Variants in HTR1F observed in about 807,000 individuals in gnomAD.
HTR1F encodes 5-hydroxytryptamine receptor 1F.
HTR1F carries 17 observed loss-of-function variants against 24.0 expected under a neutral mutation model. That is an observed-to-expected ratio of 0.71 (90% CI 0.48 to 1.06). HTR1F has a LOEUF of 1.06. HTR1F is among the 50% of genes least tolerant of loss of function. The probability of loss-of-function intolerance (pLI) is 0.00; values close to 1 mark genes in which losing one functional copy is unlikely to be tolerated. For synonymous variants in HTR1F, 186 were observed against 156.8 expected (o/e 1.19, Z -1.39); for missense variants, 391 against 427.8 (o/e 0.91, Z 0.76).
intron 2 of HTR1F, among the ~76,000 whole-genome samples, chr3:87,981,193 TTTTG>T (rs1483447308): frequency 1.3e-5 from 2 of 152,152 alleles, no homozygotes; most frequent in South Asian, 2.1e-4. Context: ...TTTTGGGTTT[TTTTG>T]TTTGTTTGTT....
At chr3:87,825,026 A>G (rs1339747322) in intron 2 of HTR1F, among the ~76,000 whole-genome samples, 1 of 152,232 alleles carries the variant, frequency 6.6e-6, no homozygotes, top group Non-Finnish European at 1.5e-5. Context: ...GATTATAAGA[A>G]GTATTATTAT....
intron 2 of HTR1F, among the ~76,000 whole-genome samples, chr3:87,963,895 C>T (rs1705113123): frequency 6.6e-6 from 1 of 152,068 alleles, no homozygotes; most frequent in South Asian, 2.1e-4. Context: ...TCTTCAGAGC[C>T]CCAGAGCACC....
intron 1 of HTR1F, among the ~76,000 whole-genome samples, chr3:87,813,133 C>A (rs1208604529): frequency 6.6e-6 from 1 of 152,174 alleles, no homozygotes; most frequent in African/African-American, 2.4e-5. Context: ...CTGCAGACCC[C>A]AAAATGGTAG....
chr3:87,982,246 G>A (rs751060180), intron 2 of HTR1F, among the ~76,000 whole-genome samples: 1 of 151,930 alleles, frequency 6.6e-6, no homozygotes, highest in East Asian at 1.9e-4. Flanking sequence ...TTTAAATATC[G>A]AGATATTTTT....
At chr3:87,952,503 T>C (rs1223848960) in intron 2 of HTR1F, among the ~76,000 whole-genome samples, 6 of 151,942 alleles carry the variant, frequency 3.9e-5, no homozygotes, top group Admixed American at 6.6e-5. Flanking sequence ...CATAAAAGTA[T>C]TTTAAGATTT....
chr3:87,934,682 C>A (rs983376610), intron 2 of HTR1F, among the ~76,000 whole-genome samples: 1 of 152,140 alleles, frequency 6.6e-6, no homozygotes, highest in Non-Finnish European at 1.5e-5. Context: ...CCAGGCAAAT[C>A]TTCATTCCAG....
At chr3:87,903,831 T>G (rs1703589312) in intron 2 of HTR1F, among the ~76,000 whole-genome samples, 2 of 152,180 alleles carry the variant, frequency 1.3e-5, no homozygotes, top group South Asian at 4.1e-4. Context: ...CACACATATG[T>G]TTATTGCGGC....
intron 2 of HTR1F, among the ~76,000 whole-genome samples, chr3:87,885,646 G>A (rs1389689870): frequency 3.3e-5 from 5 of 152,046 alleles, no homozygotes; most frequent in African/African-American, 1.2e-4. Flanking sequence ...AATAAAAAAT[G>A]ATAAAGGGGA....
At chr3:87,947,497 A>T (rs1704736960) in intron 2 of HTR1F, among the ~76,000 whole-genome samples, 1 of 152,190 alleles carries the variant, frequency 6.6e-6, no homozygotes, top group Admixed American at 6.5e-5. Flanking sequence ...ATACAGTATT[A>T]CATAAAGTCA....
intron 2 of HTR1F, among the ~76,000 whole-genome samples, chr3:87,916,793 C>A (rs939795228): frequency 1.1e-4 from 17 of 152,156 alleles, no homozygotes; most frequent in African/African-American, 3.1e-4. Context: ...ACTGACAGCA[C>A]TAGACAGGTC....
chr3:87,828,348 T>C (rs1296260025), intron 2 of HTR1F, among the ~76,000 whole-genome samples: 1 of 152,220 alleles, frequency 6.6e-6, no homozygotes, highest in East Asian at 1.9e-4. Flanking sequence ...TAGCCTCTTT[T>C]TCTTACTTTA....
chr3:87,978,197 A>C (rs762931718), intron 2 of HTR1F, among the ~76,000 whole-genome samples: 2 of 152,190 alleles, frequency 1.3e-5, no homozygotes, highest in Admixed American at 6.5e-5. Flanking sequence ...GGTGGCACTC[A>C]GAAGGTTGAA....
At chr3:87,931,118 T>A (rs1229439649) in intron 2 of HTR1F, among the ~76,000 whole-genome samples, 1 of 151,502 alleles carries the variant, frequency 6.6e-6, no homozygotes, top group Non-Finnish European at 1.5e-5. Context: ...TACATATGTA[T>A]ACATGTGCCA....
chr3:87,855,784 G>T (rs1167520851), intron 2 of HTR1F, among the ~76,000 whole-genome samples: 2 of 152,024 alleles, frequency 1.3e-5, no homozygotes, highest in Admixed American at 6.6e-5. Context: ...ATTCTGCTGT[G>T]TCCCTCTCAG....
At chr3:87,930,978 ACT>A (rs1704249609) in intron 2 of HTR1F, among the ~76,000 whole-genome samples, 1 of 149,168 alleles carries the variant, frequency 6.7e-6, no homozygotes, top group East Asian at 2.0e-4. Flanking sequence ...AGCTCAAATA[ACT>A]CTATGTCATT....
At chr3:87,877,233 G>C (rs1705690805) in intron 2 of HTR1F, among the ~76,000 whole-genome samples, 1 of 151,938 alleles carries the variant, frequency 6.6e-6, no homozygotes, top group Non-Finnish European at 1.5e-5. Context: ...CAGTTTTTTT[G>C]TTTGTAATAA....
intron 2 of HTR1F, among the ~76,000 whole-genome samples, chr3:87,980,253 C>T (rs1705511946): frequency 6.6e-6 from 1 of 152,184 alleles, no homozygotes; most frequent in Admixed American, 6.5e-5. Flanking sequence ...TATCTGCAGG[C>T]AGTCATCCTG....
intron 2 of HTR1F, among the ~76,000 whole-genome samples, chr3:87,902,900 C>A (rs1706361324): frequency 1.3e-5 from 2 of 151,942 alleles, no homozygotes; most frequent in Admixed American, 1.3e-4. Flanking sequence ...TTTCCAATTT[C>A]ATCCATGTAC....
At chr3:87,987,108 AAAAATAAAATAAAAATAAAAT>A (rs1228124715) in intron 2 of HTR1F, among the ~76,000 whole-genome samples, 1 of 125,056 alleles carries the variant, frequency 8.0e-6, no homozygotes, top group Non-Finnish European at 1.7e-5. Context: ...TCTGTCTCAA[AAAAATAAAATAAAAATAAAAT>A]AAAATAAAAT....
Sources: gnomAD v4.1 joint callset for allele counts (sites outside exome capture counted in the v4.1 genomes callset) on GRCh38, gnomAD v4.1.1 for gene constraint, MANE v1.5 for transcripts, NCBI Gene and HGNC (gene_info 2026-07-23, HGNC 2026-07-21) for gene names.